The following PLA2G6 variants were observed in gnomAD, a reference collection of about 807,000 sequenced individuals.
The protein encoded by PLA2G6 is phospholipase A2 group VI, also known as 85/88 kDa calcium-independent phospholipase A2.
PLA2G6 carries 62 observed loss-of-function variants against 83.8 expected under a neutral mutation model. That is an observed-to-expected ratio of 0.74 (90% CI 0.60 to 0.91). PLA2G6 has a LOEUF of 0.91. Among genes scored for constraint, PLA2G6 ranks in the 40% least tolerant of loss-of-function variants. The pLI is 0.00. For missense variants in PLA2G6, 944 were observed against 1,102.0 expected (o/e 0.86, Z 2.03); for synonymous variants, 417 against 449.8 (o/e 0.93, Z 0.92).
intron 1 of PLA2G6, among the ~76,000 whole-genome samples, chr22:38,173,197 T>C (rs2090503131): frequency 6.6e-6 from 1 of 152,096 alleles, no homozygotes. Context: ...AAGAGGGGGA[T>C]GGTGGATGAG....
At chr22:38,124,713 G>T (rs1303286083) in intron 10 of PLA2G6, among the ~76,000 whole-genome samples, 5 of 152,166 alleles carry the variant, frequency 3.3e-5, no homozygotes, top group Non-Finnish European at 5.9e-5. Context: ...CTCTGCTCTG[G>T]GCAGCGCTGT....
At chr22:38,151,166 A>G (rs1484324335) in intron 2 of PLA2G6, among the ~76,000 whole-genome samples, 5 of 152,102 alleles carry the variant, frequency 3.3e-5, no homozygotes, top group Non-Finnish European at 7.4e-5. Context: ...AAATTAAAAC[A>G]TTTCTCTAGT....
At chr22:38,148,776 TGAG>T in intron 2 of PLA2G6, 1 of 462,192 alleles carries the variant, frequency 2.2e-6, no homozygotes, top group Non-Finnish European at 3.8e-6. Context: ...GAAACTAGAC[TGAG>T]GTTATCCTAG....
intron 12 of PLA2G6, among the ~76,000 whole-genome samples, chr22:38,119,636 G>C (rs1330617607): frequency 6.6e-6 from 1 of 152,076 alleles, no homozygotes; most frequent in Non-Finnish European, 1.5e-5. Flanking sequence ...GACTAGCCTG[G>C]ACAACATGGT....
chr22:38,144,872 T>C, intron 3 of PLA2G6: 1 of 223,702 alleles, frequency 4.5e-6, no homozygotes, highest in Non-Finnish European at 9.0e-6. Flanking sequence ...TAAAATAAAA[T>C]AAAGTAAAAT....
At chr22:38,178,592 C>T (rs1005488710) in intron 1 of PLA2G6, among the ~76,000 whole-genome samples, 51 of 151,938 alleles carry the variant, frequency 3.4e-4, no homozygotes, top group African/African-American at 1.2e-3. Context: ...AGGCCGGGCG[C>T]GGTGGCTCAC....
At chr22:38,156,820 TCAAAAAC>T (rs1213207097) in intron 2 of PLA2G6, among the ~76,000 whole-genome samples, 1 of 152,042 alleles carries the variant, frequency 6.6e-6, no homozygotes, top group African/African-American at 2.4e-5. Context: ...AAACTACAAA[TCAAAAAC>T]AAGGTATTTT....
chr22:38,128,521 C>T lies in PLA2G6; in HGVS notation c.1187-91G>A. On this transcript the variant is annotated intron_variant, in intron 8 of 16. Transcript: ENST00000332509. This position sits in a 1 kb window ranked among gnomAD's most constrained non-coding sequence, Gnocchi z 4.4. ...GGCCCCTCCTTTCCACACTCCGTCCCCTGTCCCAGCTCCCAGGCCCTGGGC... is the reference window on the plus strand; with the variant it reads ...GGCCCCTCCTTTCCACACTCCGTCCTCTGTCCCAGCTCCCAGGCCCTGGGC... The T allele has an allele frequency of 7.1e-7, 1 of 1,403,978 alleles. No individual in the cohort carries two copies. Among genetic ancestry groups the T allele is most frequent in the Middle Eastern group, 2.1e-4 (1 of 4,792 alleles). The allele number at this position is 1,403,978 out of a possible 1,614,324, so 87.0% of individuals were successfully genotyped here. A position where few individuals can be genotyped will look rare whatever the true frequency, so the allele number is the denominator to read the frequency against.
Position 38,123,492 on chromosome 22 carries a change from G to T in PLA2G6, c.1428-234C>A, listed in dbSNP as rs562717229. On this transcript the variant is annotated intron_variant, in intron 10 of 16. Transcript: ENST00000332509. The surrounding 1 kb of genome is among the most constrained non-coding windows in gnomAD (Gnocchi z 4.1). ...AACAGAGAAAGGGAAAGGAAGGTCG[G>T]GGGATAGCATCACTGACCAGGCGCC... Among the ~76,000 whole-genome samples, 4 of 152,286 alleles carry T rather than the reference G, an allele frequency of 2.6e-5. No individual in the cohort carries two copies. The East Asian group carries it at 7.7e-4, about 29-fold the overall frequency.
At chr22:38,134,791 C>G in intron 6 of PLA2G6, 197 bp downstream of exon 6, 1 of 584,506 alleles carries the variant, frequency 1.7e-6, no homozygotes, top group Non-Finnish European at 3.1e-6. Flanking sequence ...CAGGGCGGAT[C>G]CCCCCGCCCA....
At chr22:38,144,797 G>C (rs2089144354) in intron 3 of PLA2G6, 1 of 168,852 alleles carries the variant, frequency 5.9e-6, no homozygotes, top group Admixed American at 6.4e-5. Context: ...GACAGAATAA[G>C]ACTCCGTCTC....
chr22:38,141,986 G>A (rs192295012), intron 4 of PLA2G6: 2 of 152,010 alleles, frequency 1.3e-5, no homozygotes, highest in East Asian at 3.9e-4. Context: ...CTTAAGGCCA[G>A]GAGTTGGAGA....
At chr22:38,170,195 CAAAAAAA>C (rs132990) in intron 1 of PLA2G6, among the ~76,000 whole-genome samples, 5 of 75,480 alleles carry the variant, frequency 6.6e-5, no homozygotes, top group Admixed American at 1.5e-4. Context: ...GACTCTGTCT[CAAAAAAA>C]AAAAAAAAAA....
chr22:38,176,144 G>A (rs1281453775), intron 1 of PLA2G6, among the ~76,000 whole-genome samples: 3 of 152,156 alleles, frequency 2.0e-5, no homozygotes, highest in Admixed American at 6.5e-5. Flanking sequence ...CTTCAGGAGC[G>A]GCCCTAAGTG....
chr22:38,154,391 G>A (rs746319754), intron 2 of PLA2G6, among the ~76,000 whole-genome samples: 5 of 152,188 alleles, frequency 3.3e-5, no homozygotes, highest in Admixed American at 6.5e-5. Context: ...AGCTCCAGGC[G>A]GCCCAGCACA....
At chr22:38,124,224 C>T (rs1293603926) in intron 10 of PLA2G6, among the ~76,000 whole-genome samples, 1 of 152,074 alleles carries the variant, frequency 6.6e-6, no homozygotes. Context: ...TCACGGCAGC[C>T]TCAACCTTCT....
chr22:38,116,085 A>T lies in PLA2G6; in HGVS notation c.1869T>A (p.Ala623=). 6.2e-7 allele frequency: 1 copy of T among 1,613,992 alleles called. No homozygotes were observed. Among genetic ancestry groups the T allele is most frequent in the Non-Finnish European group, 8.5e-7 (1 of 1,180,000 alleles). Residue 623 remains alanine, a synonymous_variant, in exon 13 of 17, where the codon GCT becomes GCA. Coordinates refer to ENST00000332509, the MANE Select transcript of PLA2G6 (RefSeq NM_003560.4). The stretch of plus-strand genomic sequence containing the variant: ...AAACATGGTTTAAACCTGAGGGCTG[A>T]GCTGGAGGCCTGAGGTTAACGTTCT... ...FNQNVNLRPP[A]QPSDQLVWRA...
intron 2 of PLA2G6, among the ~76,000 whole-genome samples, chr22:38,166,314 C>A (rs132977): frequency 0.12 from 17,653 of 152,076 alleles, 1,248 homozygotes; most frequent in African/African-American, 0.18. Context: ...TGGCACAGCC[C>A]GTTGCAATGA....
chr22:38,180,918 T>C (rs555212246), intron 1 of PLA2G6, among the ~76,000 whole-genome samples: 1 of 152,282 alleles, frequency 6.6e-6, no homozygotes, highest in East Asian at 1.9e-4. Context: ...AGCCTCAACG[T>C]TGCCAAACCG....
Sources: allele counts gnomAD v4.1 joint callset (sites outside exome capture counted in the v4.1 genomes callset), GRCh38; gene constraint gnomAD v4.1.1; non-coding constraint Gnocchi (gnomAD v3.1); transcripts MANE v1.5; gene names NCBI Gene and HGNC (gene_info 2026-07-23, HGNC 2026-07-21).